MMS22L: variants seen among roughly 807,000 people sequenced by gnomAD.
MMS22L encodes protein MMS22-like.
A neutral mutation model predicts 159.1 loss-of-function variants in MMS22L; 74 were observed. That is an observed-to-expected ratio of 0.47 (90% confidence interval 0.39 to 0.56). The LOEUF is 0.56. Among genes scored for constraint, MMS22L ranks in the 20% least tolerant of loss-of-function variants. The probability of loss-of-function intolerance (pLI) is 0.00; values close to 1 mark genes in which losing one functional copy is unlikely to be tolerated. For missense variants in MMS22L, 1,351 were observed against 1,422.1 expected (o/e 0.95, Z 0.80); for synonymous variants, 517 against 506.9 (o/e 1.02, Z -0.27).
chr6:97,207,655 T>C (rs192310906), intron 14 of MMS22L, among the ~76,000 whole-genome samples: 1 of 152,144 alleles, frequency 6.6e-6, no homozygotes, highest in Admixed American at 6.6e-5. Flanking sequence ...TACCAAGCAC[T>C]GCACTAAGGC....
Position 97,269,992 on chromosome 6 carries a change from G to A in MMS22L, c.607C>T (p.Leu203Phe). Residue 203 changes from leucine to phenylalanine, a missense_variant and splice_region_variant, in exon 7 of 25, where the codon CTT (leucine) becomes TTT (phenylalanine). Transcript: ENST00000683635. The part of the protein sequence containing the change: ...GAFVNQNQIK[L>F]FPPSWHLLHL... Reference sequence around the variant, plus strand: ...AATAAATGCCATGACGGTGGAAAAAGCTGTGGATGACATTATCAACTGTGA... The same window carrying A: ...AATAAATGCCATGACGGTGGAAAAAACTGTGGATGACATTATCAACTGTGA... The A allele has an allele frequency of 2.5e-6, 4 of 1,609,854 alleles. No homozygotes were observed. Among genetic ancestry groups the A allele is most frequent in the Non-Finnish European group, 3.4e-6 (4 of 1,177,276 alleles).
chr6:97,165,312 G>T lies in MMS22L; in HGVS notation c.3155C>A (p.Ala1052Glu). 1.2e-6 allele frequency: 2 copies of T among 1,613,350 alleles called. No homozygotes were observed. The highest frequency in any genetic ancestry group is 1.7e-6 in the Non-Finnish European group (2 of 1,179,620). ...SDLGQHPVLL[A>E]LRNTATIPPI... is the part of the protein sequence containing the mutation. Reference sequence around the variant, plus strand: ...TGGAATAGTGGCTGTGTTTCTCAATGCCAGCAAAACAGGATGTTGTCCAAG... The same window carrying T: ...TGGAATAGTGGCTGTGTTTCTCAATTCCAGCAAAACAGGATGTTGTCCAAG... Residue 1052 changes from alanine to glutamate, a missense_variant, in exon 21 of 25, where the codon GCA becomes GAA. Coordinates refer to ENST00000683635, the MANE Select transcript of MMS22L (RefSeq NM_001350599.2).
Position 97,233,843 on chromosome 6 carries a change from C to T in MMS22L, c.1302+18G>A, listed in dbSNP as rs1562488389. On this transcript the variant is annotated intron_variant, in intron 12 of 24. Coordinates refer to ENST00000683635, the MANE Select transcript of MMS22L (RefSeq NM_001350599.2). ...ATTTTTAAAATTCCTGGAGCAAATT[C>T]CTATTCTATTCACTCACCAGGTTCT... The T allele has an allele frequency of 3.8e-6, 6 of 1,581,266 alleles. No individual in the cohort carries two copies. The South Asian group carries it at 7.1e-5, about 19-fold the overall frequency.
intron 11 of MMS22L, among the ~76,000 whole-genome samples, chr6:97,236,961 A>C (rs1013114048): frequency 1.4e-4 from 22 of 152,176 alleles, no homozygotes; most frequent in African/African-American, 5.3e-4. Flanking sequence ...AGAAAAAAAA[A>C]AAAAGGACTA....
At chr6:97,280,941 G>A (rs1816704311) in intron 3 of MMS22L, among the ~76,000 whole-genome samples, 1 of 152,028 alleles carries the variant, frequency 6.6e-6, no homozygotes, top group African/African-American at 2.4e-5. Context: ...GAAAGACTAT[G>A]GCTATTGCAC....
intron 9 of MMS22L, among the ~76,000 whole-genome samples, chr6:97,257,456 A>G (rs1219429185): frequency 6.6e-6 from 1 of 152,002 alleles, no homozygotes; most frequent in African/African-American, 2.4e-5. Flanking sequence ...TACACATTTT[A>G]TTCTTTTTTT....
At chr6:97,193,319 T>C (rs1376227847) in intron 14 of MMS22L, among the ~76,000 whole-genome samples, 2 of 152,164 alleles carry the variant, frequency 1.3e-5, no homozygotes, top group East Asian at 1.9e-4. Context: ...ATGCCTATAA[T>C]AATGCTGTCT....
At chr6:97,211,486 T>TA (rs1808367645) in intron 14 of MMS22L, among the ~76,000 whole-genome samples, 1 of 152,086 alleles carries the variant, frequency 6.6e-6, no homozygotes, top group African/African-American at 2.4e-5. Context: ...TTCCCTAATG[T>TA]AAAATCTTCA....
intron 17 of MMS22L, 101 bp from the exon 18 acceptor site, chr6:97,178,686 C>T (rs1804374299): frequency 2.0e-6 from 1 of 507,400 alleles, no homozygotes; most frequent in Non-Finnish European, 3.2e-6. Context: ...AGAAGTAATA[C>T]AGTATTCTTC....
intron 9 of MMS22L, 136 bp from the exon 10 acceptor site, chr6:97,254,869 C>A: frequency 1.5e-6 from 1 of 655,172 alleles, no homozygotes; most frequent in Non-Finnish European, 2.4e-6. Context: ...AATAAAAATG[C>A]CCAGGTTAAG....
At chr6:97,233,252 T>C (rs1374630425) in intron 12 of MMS22L, among the ~76,000 whole-genome samples, 2 of 152,130 alleles carry the variant, frequency 1.3e-5, no homozygotes, top group African/African-American at 2.4e-5. Flanking sequence ...TTCAGAACTA[T>C]TTAACATGGT....
intron 22 of MMS22L, among the ~76,000 whole-genome samples, chr6:97,160,935 A>T (rs1802374745): frequency 2.0e-5 from 3 of 151,930 alleles, no homozygotes; most frequent in Admixed American, 1.3e-4. Context: ...GGTTCTTTTC[A>T]TAAAATTTCT....
rs896310812 is a variant in MMS22L, at chr6:97,146,144, A to T, written c.*662T>A. ...AAAAGAAAGGATGAATAAAAAAAAA[A>T]TTTGGCAACTCTTGGAACCTAAATA... On this transcript the variant is annotated 3_prime_UTR_variant, in exon 25 of 25. Coordinates refer to ENST00000683635, the MANE Select transcript of MMS22L (RefSeq NM_001350599.2). 1.3e-5 allele frequency: 2 copies of T among 151,410 alleles called. No homozygotes were observed. The highest frequency in any genetic ancestry group is 2.4e-5 in the African/African-American group (1 of 41,208). The allele number at this position is 151,410 out of a possible 1,614,324, so 9.4% of individuals were successfully genotyped here. A position where few individuals can be genotyped will look rare whatever the true frequency, so the allele number is the denominator to read the frequency against.
At chr6:97,193,018 CA>C (rs1483357506) in intron 14 of MMS22L, among the ~76,000 whole-genome samples, 1 of 152,138 alleles carries the variant, frequency 6.6e-6, no homozygotes, top group East Asian at 1.9e-4. Flanking sequence ...TTTTACTACA[CA>C]AATAAATAAT....
intron 18 of MMS22L, among the ~76,000 whole-genome samples, chr6:97,175,160 T>A (rs762261223): frequency 6.6e-6 from 1 of 152,214 alleles, no homozygotes; most frequent in South Asian, 2.1e-4. Flanking sequence ...GAACATTACA[T>A]GTAAGTAACA....
At chr6:97,163,761 T>C (rs1218106518) in intron 21 of MMS22L, among the ~76,000 whole-genome samples, 1 of 151,978 alleles carries the variant, frequency 6.6e-6, no homozygotes, top group Non-Finnish European at 1.5e-5. Context: ...ACATATCAGG[T>C]GTAGGTTTTA....
chr6:97,280,561 G>A (rs1398830984), intron 3 of MMS22L, among the ~76,000 whole-genome samples: 2 of 152,078 alleles, frequency 1.3e-5, no homozygotes, highest in Non-Finnish European at 2.9e-5. Context: ...TCGAACTCCC[G>A]CCTCGGCCTC....
chr6:97,187,414 G>C (rs1473776138), intron 14 of MMS22L, among the ~76,000 whole-genome samples: 1 of 152,138 alleles, frequency 6.6e-6, no homozygotes, highest in African/African-American at 2.4e-5. Context: ...GGAAATAAGA[G>C]ATCTTCTTAG....
At chr6:97,237,291 AAC>A (rs1203655311) in intron 11 of MMS22L, among the ~76,000 whole-genome samples, 4 of 152,226 alleles carry the variant, frequency 2.6e-5, no homozygotes, top group Non-Finnish European at 4.4e-5. Flanking sequence ...GGTAAAGAAG[AAC>A]ACAGTGATCT....
Sources: allele counts gnomAD v4.1 joint callset (sites outside exome capture counted in the v4.1 genomes callset), GRCh38; gene constraint gnomAD v4.1.1; transcripts MANE v1.5; gene names NCBI Gene and HGNC (gene_info 2026-07-23, HGNC 2026-07-21).